Variants in BMP3 observed in about 807,000 individuals in gnomAD.
BMP3 encodes bone morphogenetic protein 3 (osteogenic).
A neutral mutation model predicts 38.1 loss-of-function variants in BMP3; 23 were observed. That is an observed-to-expected ratio of 0.60 (90% CI 0.43 to 0.86). The LOEUF (loss-of-function observed/expected upper bound fraction) is 0.86, where lower values mean the gene tolerates loss of function less well. Among genes scored for constraint, BMP3 ranks in the 40% least tolerant of loss-of-function variants. BMP3 has a pLI of 0.00. For missense variants in BMP3, 628 were observed against 579.6 expected, an observed-to-expected ratio of 1.08 and a Z score of -0.86; for synonymous variants, 258 against 225.7, an observed-to-expected ratio of 1.14 and a Z score of -1.28.
In BMP3 at chr4:81,055,261, T is replaced by C. The variant is rs530327267; in HGVS notation, c.*1725T>C. ...TTGTAAATTAGTATGGCATTCGCTTTGGTTTAAGTGGTATTTTATTGCAAA... is the reference window on the plus strand; with the variant it reads ...TTGTAAATTAGTATGGCATTCGCTTCGGTTTAAGTGGTATTTTATTGCAAA... On this transcript the variant is annotated 3_prime_UTR_variant, in exon 3 of 3. Coordinates refer to ENST00000282701, the MANE Select transcript of BMP3 (RefSeq NM_001201.5). 1 of 152,196 alleles carries C rather than the reference T, an allele frequency of 6.6e-6. No individual in the cohort carries two copies. Among genetic ancestry groups the C allele is most frequent in the Non-Finnish European group, 1.5e-5 (1 of 68,038 alleles). The allele number at this position is 152,196 out of a possible 1,614,324, so 9.4% of individuals were successfully genotyped here.
chr4:81,040,549 CCA>C (rs1740041915), intron 1 of BMP3, among the ~76,000 whole-genome samples: 2 of 152,164 alleles, frequency 1.3e-5, no homozygotes, highest in Non-Finnish European at 2.9e-5. Context: ...CCTGATCTCT[CCA>C]CAGTCCCTTA....
Position 81,056,451 on chromosome 4 carries a change from C to T in BMP3, c.*2915C>T, listed in dbSNP as rs1038323516. ...TCCCAGGTTCAAGCAGTTCTCCTGC[C>T]TCAGCCTCCTGAGTAGCTGGGATTA... On this transcript the variant is annotated 3_prime_UTR_variant, in exon 3 of 3. Transcript: ENST00000282701. The T allele has an allele frequency of 6.6e-6, 1 of 152,374 alleles. No individual in the cohort carries two copies. The highest frequency in any genetic ancestry group is 2.4e-5 in the African/African-American group (1 of 41,440). 9.4% of individuals were successfully genotyped at this position (152,374 alleles called of 1,614,324 possible).
chr4:81,055,263 G>A lies in BMP3; in HGVS notation c.*1727G>A, dbSNP rs2109915801. On this transcript the variant is annotated 3_prime_UTR_variant, in exon 3 of 3. Coordinates refer to ENST00000282701, the MANE Select transcript of BMP3 (RefSeq NM_001201.5). The stretch of plus-strand genomic sequence containing the variant: ...GTAAATTAGTATGGCATTCGCTTTG[G>A]TTTAAGTGGTATTTTATTGCAAACC... 6.6e-6 allele frequency: 1 copy of A among 152,244 alleles called. No homozygotes were observed. Among genetic ancestry groups the A allele is most frequent in the South Asian group, 2.1e-4 (1 of 4,826 alleles). 9.4% of individuals were successfully genotyped at this position (152,244 alleles called of 1,614,324 possible).
rs1739746195 is a variant in BMP3, at chr4:81,031,205, G to T, written c.-80G>T. The T allele has an allele frequency of 6.3e-6, 9 of 1,428,382 alleles. No individual in the cohort carries two copies. The South Asian group carries it at 1.2e-4, about 19-fold the overall frequency. 88.5% of individuals were successfully genotyped at this position (1,428,382 alleles called of 1,614,324 possible). On this transcript the variant is annotated 5_prime_UTR_variant, in exon 1 of 3. Coordinates refer to ENST00000282701, the MANE Select transcript of BMP3 (RefSeq NM_001201.5). ...CCAGCTGGTTTGGAGTTCAACCCTCGGCTCCGCCGCCGGCTCCTTGCGCCT... is the reference window on the plus strand; with the variant it reads ...CCAGCTGGTTTGGAGTTCAACCCTCTGCTCCGCCGCCGGCTCCTTGCGCCT...
intron 1 of BMP3, 80 bp downstream of exon 1, chr4:81,031,680 C>T (rs959667763): frequency 7.0e-7 from 1 of 1,438,110 alleles, no homozygotes; most frequent in African/African-American, 1.4e-5. Context: ...TCCTTGTCTG[C>T]CCCTTGCTTG....
At chr4:81,049,359 C>T (rs552386377) in intron 2 of BMP3, among the ~76,000 whole-genome samples, 16 of 152,234 alleles carry the variant, frequency 1.1e-4, no homozygotes, top group African/African-American at 3.9e-4. Flanking sequence ...TTCAACCGCC[C>T]GTGAGCTCTT....
chr4:81,039,590 T>A (rs1276364410), intron 1 of BMP3, among the ~76,000 whole-genome samples: 1 of 152,150 alleles, frequency 6.6e-6, no homozygotes, highest in African/African-American at 2.4e-5. Context: ...CAGGTTCAAG[T>A]GCTTTGTTTT....
In BMP3 at chr4:81,046,404, C is replaced by A. The variant is rs771362322; in HGVS notation, c.983C>A (p.Ala328Asp). Residue 328 changes from alanine to aspartate, a missense_variant, in exon 2 of 3, where the codon GCC becomes GAC. Ala to Asp is a moderately radical substitution (Grantham distance 126). Coordinates refer to ENST00000282701, the MANE Select transcript of BMP3 (RefSeq NM_001201.5). ...CCTTACAAGACCCTTCAGGCTCAGGCCCCTGAAAAGAGTAAGAATAAAAAG... is the reference window on the plus strand; with the variant it reads ...CCTTACAAGACCCTTCAGGCTCAGGACCCTGAAAAGAGTAAGAATAAAAAG... Reference protein sequence around the residue: ...RKPYKTLQAQAPEKSKNKKKQ... With the variant: ...RKPYKTLQAQDPEKSKNKKKQ... 1.9e-6 allele frequency: 3 copies of A among 1,613,820 alleles called. No homozygotes were observed. Among genetic ancestry groups the A allele is most frequent in the Non-Finnish European group, 2.5e-6 (3 of 1,179,962 alleles).
intron 1 of BMP3, among the ~76,000 whole-genome samples, chr4:81,043,598 T>TTTTC (rs1740146500): frequency 6.7e-6 from 1 of 149,816 alleles, no homozygotes; most frequent in African/African-American, 2.4e-5. Flanking sequence ...CAATTTTTTT[T>TTTTC]TTTTTTTGAG....
intron 1 of BMP3, among the ~76,000 whole-genome samples, 194 bp downstream of exon 1, chr4:81,031,794 G>C (rs987335093): frequency 1.3e-5 from 2 of 152,150 alleles, no homozygotes; most frequent in Non-Finnish European, 2.9e-5. Flanking sequence ...TGTAAGCCCA[G>C]TTTTCAAATC....
intron 1 of BMP3, among the ~76,000 whole-genome samples, chr4:81,038,135 A>G (rs954146370): frequency 3.3e-4 from 50 of 152,240 alleles, no homozygotes; most frequent in African/African-American, 1.2e-3. Context: ...GGGCCTATCC[A>G]TAAACAAATG....
chr4:81,045,692 AT>A, intron 1 of BMP3, 45 bp from the exon 2 acceptor site: 1 of 1,420,244 alleles, frequency 7.0e-7, no homozygotes, highest in Non-Finnish European at 9.5e-7. Flanking sequence ...TAGTGAAGTA[AT>A]GGTCTTGTTT....
At chr4:81,039,660 G>A (rs1440407493) in intron 1 of BMP3, among the ~76,000 whole-genome samples, 3 of 152,102 alleles carry the variant, frequency 2.0e-5, no homozygotes, top group Non-Finnish European at 4.4e-5. Flanking sequence ...CTTTTAAAAC[G>A]CCTATCTGAC....
Position 81,046,177 on chromosome 4 carries a change from A to G in BMP3, c.756A>G (p.Pro252=). The part of the protein sequence containing the change: ...VYANDAAISE[P]ESVVSSLQGH... The stretch of plus-strand genomic sequence containing the variant: ...CCAATGATGCCGCCATTTCTGAGCC[A>G]GAAAGTGTGGTATCAAGCTTACAGG... Residue 252 remains proline, a synonymous_variant, in exon 2 of 3, where the codon CCA becomes CCG. Coordinates refer to ENST00000282701, the MANE Select transcript of BMP3 (RefSeq NM_001201.5). The G allele has an allele frequency of 6.2e-7, 1 of 1,614,102 alleles. No homozygotes were observed. Among genetic ancestry groups the G allele is most frequent in the African/African-American group, 1.3e-5 (1 of 75,054 alleles).
chr4:81,049,388 A>C (rs1740346225), intron 2 of BMP3, among the ~76,000 whole-genome samples: 2 of 152,098 alleles, frequency 1.3e-5, no homozygotes, highest in African/African-American at 4.8e-5. Context: ...GTTTATTTGG[A>C]GAGTAAGAGA....
chr4:81,043,301 A>G (rs1184802003), intron 1 of BMP3, among the ~76,000 whole-genome samples: 1 of 152,178 alleles, frequency 6.6e-6, no homozygotes, highest in Non-Finnish European at 1.5e-5. Context: ...AAAGGAGAGG[A>G]ATCAAATTCT....
chr4:81,047,645 A>G (rs1284757353), intron 2 of BMP3, among the ~76,000 whole-genome samples: 1 of 152,096 alleles, frequency 6.6e-6, no homozygotes, highest in African/African-American at 2.4e-5. Flanking sequence ...CTATTGTATG[A>G]TAATGAAGAA....
chr4:81,035,631 T>C (rs1433190599), intron 1 of BMP3, among the ~76,000 whole-genome samples: 1 of 152,088 alleles, frequency 6.6e-6, no homozygotes, highest in African/African-American at 2.4e-5. Context: ...CTATGATGTA[T>C]TTGCCAGATA....
rs191887143 is a variant in BMP3 at position 81,041,153 on chromosome 4, G to A, written c.317-4585G>A. On this transcript the variant is annotated intron_variant, in intron 1 of 2. Transcript: ENST00000282701. ...AATATAAAATCTAAAAAGTAAAAGA[G>A]CATGAAAGTAATTGAGTAGATATTA... Among the ~76,000 whole-genome samples, 328 of 152,258 alleles carry A rather than the reference G, an allele frequency of 2.2e-3. 2 individuals are homozygous for A. The highest frequency in any genetic ancestry group is 7.5e-3 in the African/African-American group (310 of 41,562).
Sources: gnomAD v4.1 joint callset for allele counts (sites outside exome capture counted in the v4.1 genomes callset) on GRCh38, gnomAD v4.1.1 for gene constraint, MANE v1.5 for transcripts, NCBI Gene and HGNC (gene_info 2026-07-23, HGNC 2026-07-21) for gene names.